The following FAM135B variants were observed in gnomAD, a reference collection of about 807,000 sequenced individuals.
The protein encoded by FAM135B is protein FAM135B.
In FAM135B, 43 loss-of-function variants were observed where a neutral mutation model predicts 127.7. The ratio of observed to expected loss-of-function variants is 0.34; its 90% CI spans 0.26 to 0.43. The LOEUF (loss-of-function observed/expected upper bound fraction) is 0.43, where lower values mean the gene tolerates loss of function less well. Ranked by LOEUF, FAM135B falls within the 20% of genes least tolerant of loss-of-function variation. The probability of loss-of-function intolerance (pLI) is 1.00; values close to 1 mark genes in which losing one functional copy is unlikely to be tolerated. For missense variants in FAM135B, 1,558 were observed against 1,725.6 expected (o/e 0.90, Z 1.72); for synonymous variants, 670 against 665.1 (o/e 1.01, Z -0.11).
intron 2 of FAM135B, among the ~76,000 whole-genome samples, chr8:138,329,624 ACTC>A (rs1364208601): frequency 6.6e-6 from 1 of 151,856 alleles, no homozygotes; most frequent in Non-Finnish European, 1.5e-5. Flanking sequence ...TCTTTGCAGA[ACTC>A]CTCACTGGCT....
At chr8:138,291,632 A>G (rs894314998) in intron 3 of FAM135B, among the ~76,000 whole-genome samples, 2 of 152,230 alleles carry the variant, frequency 1.3e-5, no homozygotes, top group African/African-American at 4.8e-5. Flanking sequence ...AGGATGTTCA[A>G]CACATGAACA....
chr8:138,427,459 T>C (rs1050906155), intron 1 of FAM135B, among the ~76,000 whole-genome samples: 2 of 152,006 alleles, frequency 1.3e-5, no homozygotes, highest in Non-Finnish European at 2.9e-5. Context: ...CATTCAAAAA[T>C]ATAAGTTAAG....
At chr8:138,274,196 G>A (rs1190571408) in intron 3 of FAM135B, among the ~76,000 whole-genome samples, 3 of 152,114 alleles carry the variant, frequency 2.0e-5, no homozygotes, top group South Asian at 2.1e-4. Flanking sequence ...CGATATTCAC[G>A]TAGGTTCTTT....
intron 7 of FAM135B, among the ~76,000 whole-genome samples, chr8:138,202,070 A>G (rs971490331): frequency 7.0e-6 from 1 of 143,278 alleles, no homozygotes; most frequent in Admixed American, 7.7e-5. Flanking sequence ...GGTTGCGGTG[A>G]GCAAAGATCA....
chr8:138,448,425 A>G (rs576518221), intron 1 of FAM135B, among the ~76,000 whole-genome samples: 14 of 152,308 alleles, frequency 9.2e-5, no homozygotes, highest in African/African-American at 3.4e-4. Flanking sequence ...TCCTTAGATT[A>G]GCTTGAGACC....
At chr8:138,252,732 A>G (rs1352733376) in intron 5 of FAM135B, among the ~76,000 whole-genome samples, 1 of 152,194 alleles carries the variant, frequency 6.6e-6, no homozygotes, top group Non-Finnish European at 1.5e-5. Flanking sequence ...AAAATTAAAC[A>G]AACAAAAAAC....
At chr8:138,140,541 G>A (rs1817045648) in intron 17 of FAM135B, among the ~76,000 whole-genome samples, 2 of 152,166 alleles carry the variant, frequency 1.3e-5, no homozygotes, top group African/African-American at 4.8e-5. Flanking sequence ...ATATTCTGGA[G>A]TCAGTCGAGG....
At chr8:138,478,859 C>G (rs1297766730) in intron 1 of FAM135B, among the ~76,000 whole-genome samples, 1 of 152,196 alleles carries the variant, frequency 6.6e-6, no homozygotes, top group Non-Finnish European at 1.5e-5. Context: ...GTTTTGCACA[C>G]TGAGCAATTC....
intron 11 of FAM135B, among the ~76,000 whole-genome samples, chr8:138,177,137 ATTT>A (rs1441857331): frequency 1.3e-5 from 2 of 152,146 alleles, no homozygotes; most frequent in Non-Finnish European, 2.9e-5. Flanking sequence ...ATGAAAGAAA[ATTT>A]TGGCTGGTGA....
At chr8:138,440,018 T>C (rs771934695) in intron 1 of FAM135B, 5 of 152,172 alleles carry the variant, frequency 3.3e-5, no homozygotes, top group Admixed American at 2.6e-4. Context: ...GCGAGGATCA[T>C]AGGGAAGATA....
chr8:138,309,186 G>C lies in FAM135B; in HGVS notation c.157+1655C>G, dbSNP rs1401903620. 2.0e-5 allele frequency among the ~76,000 whole-genome samples: 3 copies of C among 152,128 alleles called. No homozygotes were observed. The East Asian group carries it at 5.8e-4, about 29-fold the overall frequency. ...ATGGACACTGGTTCACGCAGGGCAGGGTCCAAATCCCCTGCTCTCTCTGTG... is the reference window on the plus strand; with the variant it reads ...ATGGACACTGGTTCACGCAGGGCAGCGTCCAAATCCCCTGCTCTCTCTGTG... On this transcript the variant is annotated intron_variant, in intron 3 of 19. Coordinates refer to ENST00000395297, the MANE Select transcript of FAM135B (RefSeq NM_015912.4).
intron 1 of FAM135B, among the ~76,000 whole-genome samples, chr8:138,382,312 G>T (rs78191404): frequency 1.3e-5 from 2 of 152,128 alleles, no homozygotes; most frequent in African/African-American, 4.8e-5. Context: ...AGGGTAATCC[G>T]TCTTCCCTGT....
intron 12 of FAM135B, 74 bp from the exon 13 acceptor site, chr8:138,153,290 T>G: frequency 8.0e-7 from 1 of 1,253,590 alleles, no homozygotes; most frequent in Non-Finnish European, 1.1e-6. Flanking sequence ...AATGTCTAAC[T>G]GTATAATAAA....
Position 138,367,945 on chromosome 8 carries a change from C to G in FAM135B, c.39G>C (p.Glu13Asp). The change falls in exon 2 of 20, where the codon GAG becomes GAC. Residue 13 changes from glutamate (E) to aspartate (D), a missense_variant. Glu to Asp is a conservative substitution (Grantham distance 45, BLOSUM62 2). This residue lies in a region of FAM135B where 199 missense variants were observed against 245.7 expected (regional missense o/e 0.81). Transcript: ENST00000395297. ...EIQGTVEFSV[E>D]LHKFYNVDLF... ...GATCCACATTATAAAATTTATGTAG[C>G]TCTACCGAAAACTCAACCGTTCCTT... 6.2e-7 allele frequency: 1 copy of G among 1,613,850 alleles called. No individual in the cohort carries two copies. The highest frequency in any genetic ancestry group is 8.5e-7 in the Non-Finnish European group (1 of 1,179,954).
chr8:138,390,352 A>C (rs946753917), intron 1 of FAM135B, among the ~76,000 whole-genome samples: 8 of 152,116 alleles, frequency 5.3e-5, no homozygotes, highest in African/African-American at 1.9e-4. Flanking sequence ...TGTTGGTTTT[A>C]TAAGGGGAAA....
Position 138,171,431 on chromosome 8 carries a change from T to C in FAM135B, c.1104-3382A>G, listed in dbSNP as rs369434122. Among the ~76,000 whole-genome samples the C allele has an allele frequency of 2.0e-5, 3 of 152,180 alleles. No homozygotes were observed. The East Asian group carries it at 5.8e-4, about 29-fold the overall frequency. Reference sequence around the variant, plus strand: ...CTGCTCTGTGTTTTTACAATGCCTATCACCTTCCATCATGCTGCATAACTG... The same window carrying C: ...CTGCTCTGTGTTTTTACAATGCCTACCACCTTCCATCATGCTGCATAACTG... On this transcript the variant is annotated intron_variant, in intron 11 of 19. Coordinates refer to ENST00000395297, the MANE Select transcript of FAM135B (RefSeq NM_015912.4).
intron 4 of FAM135B, among the ~76,000 whole-genome samples, chr8:138,257,492 TTC>T (rs1270225880): frequency 2.0e-5 from 3 of 152,082 alleles, no homozygotes; most frequent in Non-Finnish European, 2.9e-5. Flanking sequence ...GTACCCCTAG[TTC>T]TCTTTTTCTC....
At chr8:138,412,911 C>G (rs1833940191) in intron 1 of FAM135B, among the ~76,000 whole-genome samples, 1 of 152,156 alleles carries the variant, frequency 6.6e-6, no homozygotes, top group Admixed American at 6.5e-5. Flanking sequence ...GATCACATCT[C>G]CCAAAACTGC....
rs1285480944 is a variant in FAM135B, at chr8:138,149,188, C to CA, written c.3282-503dup. On this transcript the variant is annotated intron_variant, in intron 13 of 19. Coordinates refer to ENST00000395297, the MANE Select transcript of FAM135B (RefSeq NM_015912.4). ...AATTTTAAAAAGAGAAAACCAAAAACAAAAAAACCCCGAAGCTTCTATGGG... is the reference window on the plus strand; with the variant it reads ...AATTTTAAAAAGAGAAAACCAAAAACAAAAAAAACCCCGAAGCTTCTATGGG... Among the ~76,000 whole-genome samples, 78 of 150,106 alleles carry CA rather than the reference C, an allele frequency of 5.2e-4. 1 individual carries two copies. The highest frequency in any genetic ancestry group is 8.6e-4 in the Admixed American group (13 of 15,076).
Sources: allele counts gnomAD v4.1 joint callset (sites outside exome capture counted in the v4.1 genomes callset), GRCh38; gene constraint gnomAD v4.1.1; regional missense constraint gnomAD v4.1.1; transcripts MANE v1.5; gene names NCBI Gene and HGNC (gene_info 2026-07-23, HGNC 2026-07-21).